The following DCC variants were observed in gnomAD, a reference collection of about 807,000 sequenced individuals.
DCC encodes DCC netrin 1 receptor.
Under a neutral mutation model 172.5 loss-of-function variants are expected in DCC, and 58 were observed. The observed-to-expected ratio is 0.34, with a 90% CI of 0.27 to 0.42. DCC has a LOEUF of 0.42. Ranked by LOEUF, DCC falls within the 10% of genes least tolerant of loss-of-function variation. The pLI is 1.00. For missense variants in DCC, 1,740 were observed against 1,791.0 expected (o/e 0.97, Z 0.51); for synonymous variants, 709 against 644.5 (o/e 1.10, Z -1.52).
At chr18:52,703,729 AT>A (rs35250941) in intron 1 of DCC, among the ~76,000 whole-genome samples, 16,869 of 149,198 alleles carry the variant, frequency 0.11, 1,145 homozygotes, top group East Asian at 0.3. Context: ...ATTGCAAAGA[AT>A]TTTTTTTTTT....
chr18:52,974,445 A>T (rs900153775), intron 5 of DCC, among the ~76,000 whole-genome samples: 1 of 152,230 alleles, frequency 6.6e-6, no homozygotes, highest in African/African-American at 2.4e-5. Context: ...ACATTTGCAT[A>T]AGGCTGCCCC....
At chr18:52,947,613 C>T (rs1598959431) in intron 5 of DCC, among the ~76,000 whole-genome samples, 1 of 152,176 alleles carries the variant, frequency 6.6e-6, no homozygotes, top group East Asian at 1.9e-4. Context: ...GAAAAGCAAT[C>T]ATATCACTCT....
At chr18:52,937,934 C>T (rs932877385) in intron 5 of DCC, among the ~76,000 whole-genome samples, 12 of 152,020 alleles carry the variant, frequency 7.9e-5, no homozygotes, top group Non-Finnish European at 1.0e-4. Flanking sequence ...GTACAGTGAG[C>T]GAGTGACACC....
chr18:52,583,738 CTGGTTG>C (rs2033608809), intron 1 of DCC, among the ~76,000 whole-genome samples: 1 of 152,144 alleles, frequency 6.6e-6, no homozygotes, highest in South Asian at 2.1e-4. Flanking sequence ...AACAGTAATT[CTGGTTG>C]TTACAGATCT....
chr18:52,725,611 G>T (rs11873396), intron 1 of DCC, among the ~76,000 whole-genome samples: 66,175 of 151,970 alleles, frequency 0.44, 15,474 homozygotes, highest in East Asian at 0.77. Flanking sequence ...CTTGGTTTGT[G>T]GGGGAGGTGT....
intron 1 of DCC, among the ~76,000 whole-genome samples, chr18:52,546,638 A>G (rs2032623952): frequency 6.7e-6 from 1 of 150,066 alleles, no homozygotes; most frequent in East Asian, 2.0e-4. Context: ...GAGAAATTAT[A>G]TAGAATGTGA....
intron 18 of DCC, among the ~76,000 whole-genome samples, chr18:53,401,577 C>T (rs187199589): frequency 6.5e-5 from 9 of 137,716 alleles, no homozygotes; most frequent in East Asian, 4.1e-4. Flanking sequence ...AACAGAAGTA[C>T]GAAAGAGAAT....
At chr18:52,859,844 A>T (rs2156286) in intron 2 of DCC, among the ~76,000 whole-genome samples, 2 of 152,048 alleles carry the variant, frequency 1.3e-5, no homozygotes, top group East Asian at 3.9e-4. Flanking sequence ...AATTACATAC[A>T]TAAAAAGGCA....
intron 7 of DCC, among the ~76,000 whole-genome samples, chr18:53,068,474 G>A (rs1398618149): frequency 7.3e-6 from 1 of 136,750 alleles, no homozygotes; most frequent in East Asian, 2.2e-4. Flanking sequence ...CCTTTAAGCT[G>A]ATATTGGCTG....
intron 8 of DCC, among the ~76,000 whole-genome samples, chr18:53,164,330 C>T (rs530914726): frequency 2.6e-5 from 4 of 152,272 alleles, no homozygotes; most frequent in Admixed American, 6.5e-5. Flanking sequence ...CTTGCAGCCT[C>T]AAACTCCTGG....
intron 22 of DCC, among the ~76,000 whole-genome samples, chr18:53,449,461 G>A (rs2045378256): frequency 6.6e-6 from 1 of 152,184 alleles, no homozygotes; most frequent in South Asian, 2.1e-4. Context: ...TTTGTGTTAG[G>A]ACTTTGTGGC....
intron 15 of DCC, among the ~76,000 whole-genome samples, chr18:53,367,949 T>C (rs896459092): frequency 1.3e-5 from 2 of 152,190 alleles, no homozygotes; most frequent in Non-Finnish European, 2.9e-5. Flanking sequence ...TACTCAGAAA[T>C]GGAATTGCTA....
At chr18:52,390,002 T>C (rs923346505) in intron 1 of DCC, among the ~76,000 whole-genome samples, 12 of 152,058 alleles carry the variant, frequency 7.9e-5, no homozygotes, top group African/African-American at 2.7e-4. Context: ...GAGACTTACA[T>C]TACAATATGC....
intron 11 of DCC, among the ~76,000 whole-genome samples, chr18:53,213,887 CTTT>C (rs2055801269): frequency 9.5e-6 from 1 of 105,576 alleles, no homozygotes; most frequent in African/African-American, 4.6e-5. Context: ...ACAATTTATA[CTTT>C]AACTTAAAAA....
At chr18:52,843,330 C>T (rs575263870) in intron 2 of DCC, among the ~76,000 whole-genome samples, 1 of 152,070 alleles carries the variant, frequency 6.6e-6, no homozygotes. Flanking sequence ...AGTAGAGAAG[C>T]CTTCTTCCAG....
chr18:52,586,672 C>G (rs562793720), intron 1 of DCC, among the ~76,000 whole-genome samples: 1 of 152,328 alleles, frequency 6.6e-6, no homozygotes, highest in African/African-American at 2.4e-5. Context: ...GGTGCCACTT[C>G]TACTTCCACT....
intron 1 of DCC, among the ~76,000 whole-genome samples, chr18:52,536,290 G>T (rs2032287459): frequency 6.6e-6 from 1 of 152,092 alleles, no homozygotes; most frequent in Non-Finnish European, 1.5e-5. Flanking sequence ...GAACCACTTG[G>T]TCCTGACCAC....
At chr18:53,022,539 A>ATATGTG (rs1555697204) in intron 5 of DCC, among the ~76,000 whole-genome samples, 2 of 117,612 alleles carry the variant, frequency 1.7e-5, no homozygotes, top group African/African-American at 5.3e-5. Flanking sequence ...TTATATATAT[A>ATATGTG]TGTGCGTGTG....
At chr18:53,451,010 G>A (rs930185274) in intron 23 of DCC, among the ~76,000 whole-genome samples, 1 of 152,112 alleles carries the variant, frequency 6.6e-6, no homozygotes, top group Admixed American at 6.6e-5. Flanking sequence ...TCATGTACAC[G>A]AGATTTGAGG....
Sources: allele counts gnomAD v4.1 joint callset (sites outside exome capture counted in the v4.1 genomes callset), GRCh38; gene constraint gnomAD v4.1.1; transcripts MANE v1.5; gene names NCBI Gene and HGNC (gene_info 2026-07-23, HGNC 2026-07-21).